Variants in CDH12 observed in about 807,000 individuals in gnomAD.
The protein encoded by CDH12 is cadherin 12, also known as cadherin-12.
A neutral mutation model predicts 74.1 loss-of-function variants in CDH12; 41 were observed. The ratio of observed to expected loss-of-function variants is 0.55; its 90% CI spans 0.43 to 0.72. CDH12 has a LOEUF of 0.72. Ranked by LOEUF, CDH12 falls within the 30% of genes least tolerant of loss-of-function variation. The probability of loss-of-function intolerance (pLI) is 0.00; values close to 1 mark genes in which losing one functional copy is unlikely to be tolerated. For missense variants in CDH12, 945 were observed against 977.2 expected, an observed-to-expected ratio of 0.97 and a Z score of 0.44; for synonymous variants, 399 against 355.0, an observed-to-expected ratio of 1.12 and a Z score of -1.39.
Position 22,668,916 on chromosome 5 carries a change from T to TTC in CDH12, c.-522-163554_-522-163553dup, listed in dbSNP as rs780189558. 5.3e-5 allele frequency among the ~76,000 whole-genome samples: 8 copies of TTC among 150,436 alleles called. No homozygotes were observed. In the East Asian group the frequency reaches 7.8e-4, roughly 15 times the overall value. On this transcript the variant is annotated intron_variant, in intron 1 of 14. Coordinates refer to ENST00000382254, the MANE Select transcript of CDH12 (RefSeq NM_004061.5). ...CTCTTTATCTCTCTTGGTCTCTCTC[T>TTC]TCTCTCTCTCTCTCTCTTATAGTTT...
chr5:22,065,071 A>G (rs1413186859), intron 5 of CDH12, among the ~76,000 whole-genome samples: 1 of 152,130 alleles, frequency 6.6e-6, no homozygotes, highest in Non-Finnish European at 1.5e-5. Context: ...ATCTTGGGAG[A>G]TTAACCCTGC....
intron 2 of CDH12, among the ~76,000 whole-genome samples, chr5:22,494,922 C>T (rs891924888): frequency 2.6e-5 from 4 of 152,118 alleles, no homozygotes; most frequent in African/African-American, 9.7e-5. Context: ...TATTCCCTAT[C>T]GTTAAGAAGA....
At chr5:22,178,283 T>C (rs982178244) in intron 4 of CDH12, among the ~76,000 whole-genome samples, 2 of 152,154 alleles carry the variant, frequency 1.3e-5, no homozygotes, top group East Asian at 3.9e-4. Flanking sequence ...ACCAGAGATA[T>C]CATTGACTTA....
At chr5:22,186,616 G>A (rs555335710) in intron 4 of CDH12, among the ~76,000 whole-genome samples, 181 of 152,198 alleles carry the variant, frequency 1.2e-3, no homozygotes, top group Non-Finnish European at 1.5e-3. Flanking sequence ...GATTACAGGC[G>A]TGCATCACCA....
rs78543445 is a variant in CDH12 at position 22,038,116 on chromosome 5, A to T, written c.231+40330T>A. Among the ~76,000 whole-genome samples, 524 of 152,252 alleles carry T rather than the reference A, an allele frequency of 3.4e-3. 1 individual carries two copies. The highest frequency in any genetic ancestry group is 0.012 in the African/African-American group (509 of 41,562). On this transcript the variant is annotated intron_variant, in intron 5 of 14. Coordinates refer to ENST00000382254, the MANE Select transcript of CDH12 (RefSeq NM_004061.5). ...GACACTGTGCCCTACCCCCTGAGGC[A>T]CAGTGAAGGTACTGTACTACACCCC...
chr5:22,191,580 T>TGAGACGGAGTC (rs1750289803), intron 4 of CDH12, among the ~76,000 whole-genome samples: 1 of 112,488 alleles, frequency 8.9e-6, no homozygotes, highest in African/African-American at 2.9e-5. Flanking sequence ...TTTTTTTTTT[T>TGAGACGGAGTC]TTGAGACGGA....
chr5:22,354,441 A>G (rs561280098), intron 3 of CDH12, among the ~76,000 whole-genome samples: 1 of 152,312 alleles, frequency 6.6e-6, no homozygotes, highest in Non-Finnish European at 1.5e-5. Context: ...ACATGTTTGA[A>G]CACCCAAATA....
At chr5:21,767,772 T>C (rs1279674669) in intron 11 of CDH12, among the ~76,000 whole-genome samples, 1 of 151,658 alleles carries the variant, frequency 6.6e-6, no homozygotes, top group African/African-American at 2.4e-5. Flanking sequence ...CTTTCCATAA[T>C]TAAACATTAA....
At chr5:22,833,006 T>C (rs1449400556) in intron 1 of CDH12, among the ~76,000 whole-genome samples, 1 of 152,294 alleles carries the variant, frequency 6.6e-6, no homozygotes, top group Non-Finnish European at 1.5e-5. Context: ...TCTTAAAATA[T>C]ATATTCCCCA....
intron 3 of CDH12, among the ~76,000 whole-genome samples, chr5:22,257,481 TTTTA>T (rs71609758): frequency 0.61 from 87,709 of 144,840 alleles, 26,881 homozygotes; most frequent in African/African-American, 0.65. Flanking sequence ...TATTTTTTAT[TTTTA>T]TTTATTTATT....
At chr5:22,617,735 C>T (rs979779641) in intron 1 of CDH12, among the ~76,000 whole-genome samples, 2 of 152,078 alleles carry the variant, frequency 1.3e-5, no homozygotes, top group Admixed American at 1.3e-4. Context: ...TAGAAACTAA[C>T]TTGTTTTGTG....
intron 2 of CDH12, among the ~76,000 whole-genome samples, chr5:22,429,538 T>C (rs961421168): frequency 6.6e-5 from 10 of 152,184 alleles, no homozygotes; most frequent in Admixed American, 2.6e-4. Context: ...CACATCTTTC[T>C]ATGACCCTTC....
At chr5:22,760,468 C>T (rs1342774408) in intron 1 of CDH12, among the ~76,000 whole-genome samples, 5 of 151,972 alleles carry the variant, frequency 3.3e-5, no homozygotes, top group African/African-American at 9.7e-5. Context: ...ATCAAAAGGT[C>T]AGGAGTTCGA....
intron 1 of CDH12, among the ~76,000 whole-genome samples, chr5:22,513,996 T>C (rs1283287924): frequency 4.0e-5 from 6 of 150,718 alleles, no homozygotes; most frequent in African/African-American, 1.5e-4. Flanking sequence ...AAAAATAATG[T>C]TTGAAAGAAA....
intron 2 of CDH12, among the ~76,000 whole-genome samples, chr5:22,469,422 TC>T (rs34914414): frequency 6.6e-6 from 1 of 152,152 alleles, no homozygotes; most frequent in Non-Finnish European, 1.5e-5. Flanking sequence ...AGCTGTCTTC[TC>T]CCTGTATCTT....
At chr5:22,825,102 A>C (rs1156844953) in intron 1 of CDH12, among the ~76,000 whole-genome samples, 1 of 152,084 alleles carries the variant, frequency 6.6e-6, no homozygotes, top group East Asian at 1.9e-4. Flanking sequence ...CCATTCATTT[A>C]TTTCTTAATC....
chr5:21,955,267 T>A (rs1223440720), intron 6 of CDH12, among the ~76,000 whole-genome samples: 1 of 151,974 alleles, frequency 6.6e-6, no homozygotes, highest in Non-Finnish European at 1.5e-5. Context: ...TAATCAAATG[T>A]CAAGCTTTTT....
At chr5:21,752,289 C>T (rs1364457041) in intron 14 of CDH12, 53 bp from the exon 15 acceptor site, 2 of 1,494,052 alleles carry the variant, frequency 1.3e-6, no homozygotes, top group Admixed American at 2.2e-5. Context: ...TAGGTCATTT[C>T]ATCTCTCCAT....
At chr5:21,947,526 G>A (rs1755634582) in intron 6 of CDH12, among the ~76,000 whole-genome samples, 1 of 152,194 alleles carries the variant, frequency 6.6e-6, no homozygotes, top group Non-Finnish European at 1.5e-5. Context: ...TTTTGCCCCT[G>A]TCCTAGAGAT....
Sources: allele counts gnomAD v4.1 joint callset (sites outside exome capture counted in the v4.1 genomes callset), GRCh38; gene constraint gnomAD v4.1.1; transcripts MANE v1.5; gene names NCBI Gene and HGNC (gene_info 2026-07-23, HGNC 2026-07-21).